SMARCA2: variants seen among roughly 807,000 people sequenced by gnomAD.
SMARCA2 encodes SWI/SNF related BAF chromatin remodeling complex subunit ATPase 2, also known as SWI/SNF-related matrix-associated actin-dependent regulator of chromatin subfamily A member 2.
SMARCA2 carries 61 observed loss-of-function variants against 199.8 expected under a neutral mutation model. That is an observed-to-expected ratio of 0.31 (90% CI 0.25 to 0.38). The LOEUF (loss-of-function observed/expected upper bound fraction) is 0.38. Among genes scored for constraint, SMARCA2 ranks in the 10% least tolerant of loss-of-function variants. The pLI, the probability that SMARCA2 is intolerant of heterozygous loss-of-function variation, is 1.00. For synonymous variants in SMARCA2, 935 were observed against 732.0 expected (o/e 1.28, Z -4.48); for missense variants, 1,344 against 2,012.2 (o/e 0.67, Z 6.35).
chr9:2,029,010 A>G lies in SMARCA2; in HGVS notation c.-13A>G. 6.5e-7 allele frequency: 1 copy of G among 1,548,100 alleles called. No homozygotes were observed. The highest frequency in any genetic ancestry group is 1.4e-5 in the African/African-American group (1 of 72,994). On this transcript the variant is annotated 5_prime_UTR_variant, in exon 2 of 34. Coordinates refer to ENST00000349721, the MANE Select transcript of SMARCA2 (RefSeq NM_003070.5). ...AGCATTACTCTACTGACTGGCAGAGACAGGAGAGGTAGATGTCCACGCCCA... is the reference window on the plus strand; with the variant it reads ...AGCATTACTCTACTGACTGGCAGAGGCAGGAGAGGTAGATGTCCACGCCCA...
intron 27 of SMARCA2, among the ~76,000 whole-genome samples, chr9:2,150,385 G>A (rs1825001451): frequency 6.6e-6 from 1 of 151,586 alleles, no homozygotes; most frequent in Admixed American, 6.6e-5. Context: ...CCCCACACAA[G>A]CTTAGAGACA....
rs753721830 is a variant in SMARCA2, at chr9:2,060,969, A to C, written c.1675A>C (p.Arg559=). 2.0e-5 allele frequency: 33 copies of C among 1,613,520 alleles called. No individual in the cohort carries two copies. The East Asian group carries it at 5.8e-4, about 28-fold the overall frequency. The change falls in exon 9 of 34, where the codon AGG becomes CGG. Residue 559 remains arginine (R), a synonymous_variant. Transcript: ENST00000349721. ...QAQAAKEKKK[R]RRRKKKAEEN... ...CCAGGCAGCCAAAGAGAAGAAGAAG[A>C]GGAGGAGGAGGAAGAAGGTGCGTAT... is the stretch of plus-strand genomic sequence containing the variant.
chr9:2,157,969 C>G, intron 27 of SMARCA2: 1 of 398,020 alleles, frequency 2.5e-6, no homozygotes, highest in East Asian at 3.6e-5. Context: ...TTGCTAGCTG[C>G]AAAGCGTTTC....
intron 12 of SMARCA2, 94 bp from the exon 13 acceptor site, chr9:2,076,135 G>A: frequency 1.4e-6 from 1 of 728,732 alleles, no homozygotes; most frequent in Non-Finnish European, 2.4e-6. Flanking sequence ...CATTTGTGAA[G>A]TTCAATACTA....
chr9:2,060,161 T>A (rs1820525154), intron 8 of SMARCA2, among the ~76,000 whole-genome samples: 1 of 147,630 alleles, frequency 6.8e-6, no homozygotes, highest in Admixed American at 6.7e-5. Flanking sequence ...TCCCCCAAAT[T>A]TGATCTTTCC....
rs1823383567 is a variant in SMARCA2, at chr9:2,119,978, C to T, written c.3762+443C>T. 6.6e-6 allele frequency among the ~76,000 whole-genome samples: 1 copy of T among 152,204 alleles called. No individual in the cohort carries two copies. Among genetic ancestry groups the T allele is most frequent in the Non-Finnish European group, 1.5e-5 (1 of 68,036 alleles). ...TACCTGGCTCCTATAGGCATTGGAA[C>T]TTACAACAGTGCCCTTACAGGATCA... On this transcript the variant is annotated intron_variant, in intron 26 of 33. Transcript: ENST00000349721. The surrounding 1 kb of genome is among the most constrained non-coding windows in gnomAD (Gnocchi z 4.6).
intron 27 of SMARCA2, among the ~76,000 whole-genome samples, chr9:2,156,091 T>G (rs893712830): frequency 6.6e-6 from 1 of 152,234 alleles, no homozygotes; most frequent in African/African-American, 2.4e-5. Context: ...AGTTATGTGC[T>G]ATACACAGTT....
chr9:2,161,587 T>C lies in SMARCA2; in HGVS notation c.3982-99T>C, dbSNP rs551484027. 1.3e-6 allele frequency: 1 copy of C among 799,854 alleles called. No individual in the cohort carries two copies. The highest frequency in any genetic ancestry group is 2.6e-5 in the East Asian group (1 of 37,868). The allele number at this position is 799,854 out of a possible 1,614,324, so 49.5% of individuals were successfully genotyped here. On this transcript the variant is annotated intron_variant, in intron 27 of 33. Transcript: ENST00000349721. The surrounding 1 kb of genome is among the most constrained non-coding windows in gnomAD (Gnocchi z 4.7). Reference sequence around the variant, plus strand: ...TTTTTTTTGGTTAATTTCTTTCATTTTATTCTAATTGTTGGAGCTATATAT... The same window carrying C: ...TTTTTTTTGGTTAATTTCTTTCATTCTATTCTAATTGTTGGAGCTATATAT...
Position 2,119,583 on chromosome 9 carries a change from C to T in SMARCA2, c.3762+48C>T, listed in dbSNP as rs778605208. ...ACACAAATGCTTTATACCTCTGCCC[C>T]TTTTTCTGTTAAGCAGAATGTCTGC... On this transcript the variant is annotated intron_variant, in intron 26 of 33. Coordinates refer to ENST00000349721, the MANE Select transcript of SMARCA2 (RefSeq NM_003070.5). The surrounding 1 kb of genome is among the most constrained non-coding windows in gnomAD (Gnocchi z 4.6). The T allele has an allele frequency of 3.9e-5, 51 of 1,297,988 alleles. 1 individual carries two copies. In the East Asian group the frequency reaches 1.2e-3, roughly 30 times the overall value. The allele number at this position is 1,297,988 out of a possible 1,614,324, so 80.4% of individuals were successfully genotyped here. A position where few individuals can be genotyped will look rare whatever the true frequency, so the allele number is the denominator to read the frequency against.
intron 29 of SMARCA2, among the ~76,000 whole-genome samples, chr9:2,176,981 C>A (rs1826655173): frequency 6.6e-6 from 1 of 152,098 alleles, no homozygotes; most frequent in Admixed American, 6.6e-5. Flanking sequence ...GGAATTATCA[C>A]CAATCAATAC....
chr9:2,018,025 C>G (rs1214515224), intron 1 of SMARCA2: 1 of 152,262 alleles, frequency 6.6e-6, no homozygotes, highest in Non-Finnish European at 1.5e-5. Context: ...TCTTTCTCCT[C>G]CGGGTCCGGA....
intron 33 of SMARCA2, 79 bp from the exon 34 acceptor site, chr9:2,192,625 C>T (rs112553097): frequency 1.4e-5 from 14 of 977,078 alleles, no homozygotes; most frequent in African/African-American, 1.3e-4. Flanking sequence ...TCCTACTGGC[C>T]TCTTGATGGT....
intron 19 of SMARCA2, among the ~76,000 whole-genome samples, chr9:2,090,246 T>A (rs1388827264): frequency 1.3e-5 from 2 of 152,218 alleles, no homozygotes; most frequent in Non-Finnish European, 2.9e-5. Flanking sequence ...CCTCAAATGA[T>A]CACGAGTATG....
intron 29 of SMARCA2, among the ~76,000 whole-genome samples, chr9:2,174,022 G>A (rs1280309797): frequency 2.0e-5 from 3 of 152,104 alleles, no homozygotes; most frequent in African/African-American, 4.8e-5. Flanking sequence ...TTGGTGACTC[G>A]ATACTTATTT....
intron 27 of SMARCA2, among the ~76,000 whole-genome samples, chr9:2,126,902 G>C (rs552260425): frequency 6.6e-6 from 1 of 152,202 alleles, no homozygotes; most frequent in Admixed American, 6.5e-5. Flanking sequence ...CCTTTGAATA[G>C]AATCTTCTTT....
chr9:2,067,963 T>G (rs1483964652), intron 9 of SMARCA2, among the ~76,000 whole-genome samples: 1 of 152,224 alleles, frequency 6.6e-6, no homozygotes, highest in East Asian at 1.9e-4. Flanking sequence ...TTCATTGAAG[T>G]GGTGATCCAA....
chr9:2,070,604 G>A (rs1414228582), intron 10 of SMARCA2, 133 bp downstream of exon 10: 1 of 639,416 alleles, frequency 1.6e-6, no homozygotes, highest in East Asian at 2.8e-5. Flanking sequence ...TAATACATTA[G>A]CATAGTAGAA....
intron 9 of SMARCA2, among the ~76,000 whole-genome samples, chr9:2,063,486 G>T (rs1036684629): frequency 6.6e-6 from 1 of 152,080 alleles, no homozygotes; most frequent in African/African-American, 2.4e-5. Context: ...CTTTTCCATA[G>T]TATTAAGTAT....
chr9:2,049,813 TTTC>T (rs1820039076), intron 5 of SMARCA2, among the ~76,000 whole-genome samples: 1 of 152,232 alleles, frequency 6.6e-6, no homozygotes, highest in African/African-American at 2.4e-5. Flanking sequence ...AACCATTTTT[TTTC>T]TTCTTTTGAC....
Sources: allele counts gnomAD v4.1 joint callset (sites outside exome capture counted in the v4.1 genomes callset), GRCh38; gene constraint gnomAD v4.1.1; non-coding constraint Gnocchi (gnomAD v3.1); transcripts MANE v1.5; gene names NCBI Gene and HGNC (gene_info 2026-07-23, HGNC 2026-07-21).